TENM4: variants seen among roughly 807,000 people sequenced by gnomAD.
TENM4 encodes the protein teneurin-4.
In TENM4, 82 loss-of-function variants were observed where a neutral mutation model predicts 243.3. The ratio of observed to expected loss-of-function variants is 0.34; its 90% confidence interval spans 0.28 to 0.40. The LOEUF (loss-of-function observed/expected upper bound fraction) is 0.40. Ranked by LOEUF, TENM4 falls within the 10% of genes least tolerant of loss-of-function variation. The pLI is 1.00. For missense variants in TENM4, 3,138 were observed against 3,673.3 expected (o/e 0.85, Z 3.77); for synonymous variants, 1,412 against 1,456.3 (o/e 0.97, Z 0.69).
At chr11:79,253,344 A>G (rs1855644934) in intron 2 of TENM4, among the ~76,000 whole-genome samples, 1 of 152,204 alleles carries the variant, frequency 6.6e-6, no homozygotes, top group Non-Finnish European at 1.5e-5. Context: ...TGTCTGCTGC[A>G]CAAAGAGCTT....
intron 7 of TENM4, 105 bp from the exon 8 acceptor site, chr11:78,891,441 G>A: frequency 1.0e-6 from 1 of 990,292 alleles, no homozygotes; most frequent in Admixed American, 2.0e-5. Flanking sequence ...GTGTGCGTAA[G>A]ACCAGCGGGA....
intron 3 of TENM4, among the ~76,000 whole-genome samples, chr11:79,213,070 T>C (rs1863982932): frequency 6.6e-6 from 1 of 152,130 alleles, no homozygotes; most frequent in Non-Finnish European, 1.5e-5. Context: ...GATGAATGGA[T>C]AATGTCTGTG....
intron 32 of TENM4, among the ~76,000 whole-genome samples, chr11:78,663,506 C>T (rs1240557911): frequency 6.6e-6 from 1 of 152,128 alleles, no homozygotes; most frequent in Non-Finnish European, 1.5e-5. Flanking sequence ...CATGCAAGAG[C>T]TGGCTGTTTA....
At chr11:78,736,477 T>TGTGTGTGTGTGCGC (rs1328804792) in intron 20 of TENM4, among the ~76,000 whole-genome samples, 8 of 102,130 alleles carry the variant, frequency 7.8e-5, no homozygotes, top group African/African-American at 2.7e-4. Context: ...TGTGTGTGTG[T>TGTGTGTGTGTGCGC]GTGCGCGCGC....
intron 9 of TENM4, among the ~76,000 whole-genome samples, chr11:78,870,504 C>T (rs781150316): frequency 2.0e-5 from 3 of 152,130 alleles, no homozygotes; most frequent in South Asian, 2.1e-4. Context: ...CTGATGACTA[C>T]GTGGGGGTAA....
chr11:78,900,059 A>C (rs900121223), intron 7 of TENM4, among the ~76,000 whole-genome samples: 1 of 152,214 alleles, frequency 6.6e-6, no homozygotes, highest in East Asian at 1.9e-4. Flanking sequence ...AAATGAGTCC[A>C]GTTGCCAGCT....
intron 3 of TENM4, among the ~76,000 whole-genome samples, chr11:79,210,634 C>T (rs1393512391): frequency 6.6e-6 from 1 of 152,146 alleles, no homozygotes; most frequent in Non-Finnish European, 1.5e-5. Flanking sequence ...GCAAGGTAAC[C>T]TGGGGAGCCC....
rs563324184 is a variant in TENM4 at position 79,427,376 on chromosome 11, A to G, written c.-321+13133T>C. 9.2e-5 allele frequency among the ~76,000 whole-genome samples: 14 copies of G among 152,370 alleles called. No homozygotes were observed. In the East Asian group the frequency reaches 2.7e-3, roughly 29 times the overall value. On this transcript the variant is annotated intron_variant, in intron 1 of 33. Transcript: ENST00000278550. ...AAATGGAATACAACAATAGAAAATT[A>G]GTTAAATAAATAATGGTATATCCTT...
intron 3 of TENM4, among the ~76,000 whole-genome samples, chr11:79,198,820 G>A (rs1033197062): frequency 1.3e-5 from 2 of 152,170 alleles, no homozygotes; most frequent in East Asian, 1.9e-4. Flanking sequence ...GTTGAGCAGG[G>A]AGATGATGGC....
chr11:78,886,719 G>C (rs1018492410), intron 9 of TENM4, among the ~76,000 whole-genome samples: 3 of 152,324 alleles, frequency 2.0e-5, no homozygotes, highest in Admixed American at 6.5e-5. Context: ...AGGAAACAAA[G>C]GGAATGCCCA....
rs1262937952 is a variant in TENM4 at position 78,745,160 on chromosome 11, CATAATACACA to C, written c.2757-6600_2757-6591del. On this transcript the variant is annotated intron_variant, in intron 19 of 33. Coordinates refer to ENST00000278550, the MANE Select transcript of TENM4 (RefSeq NM_001098816.3). ...ATTATGATGTAATATACTATTACAT[CATAATACACA>C]ATAATACACAACAAACCAGTGTGGG... is the stretch of plus-strand genomic sequence containing the variant. Among the ~76,000 whole-genome samples the C allele has an allele frequency of 7.3e-5, 11 of 151,556 alleles. No individual in the cohort carries two copies. The South Asian group carries it at 2.1e-3, about 29-fold the overall frequency.
chr11:78,701,718 C>T lies in TENM4; in HGVS notation c.4895G>A (p.Arg1632His), dbSNP rs199687168. ...GAGGGGCATCCCAGTAGAGTCTCGG[C>T]GGACATTTACCATGTTGCCATTGTT... is the stretch of plus-strand genomic sequence containing the variant. ...TDNNGNMVNV[R>H]RDSTGMPLWL... Residue 1632 changes from arginine to histidine, a missense_variant, in exon 28 of 34, where the codon CGC becomes CAC. This residue lies in a region of TENM4 where 2,467 missense variants were observed against 3,059.1 expected (regional missense o/e 0.81). Coordinates refer to ENST00000278550, the MANE Select transcript of TENM4 (RefSeq NM_001098816.3). 7.3e-4 allele frequency: 1,184 copies of T among 1,613,826 alleles called. 1 individual carries two copies. The highest frequency in any genetic ancestry group is 8.2e-4 in the Non-Finnish European group (972 of 1,179,890).
At chr11:78,811,542 C>T (rs914453720) in intron 14 of TENM4, among the ~76,000 whole-genome samples, 3 of 151,474 alleles carry the variant, frequency 2.0e-5, no homozygotes, top group Non-Finnish European at 4.4e-5. Context: ...GAGGCATGCT[C>T]ATGGGCACTG....
At chr11:79,187,796 T>C (rs1233311847) in intron 3 of TENM4, among the ~76,000 whole-genome samples, 3 of 152,138 alleles carry the variant, frequency 2.0e-5, no homozygotes, top group African/African-American at 7.2e-5. Context: ...GGAAAGACCA[T>C]GTGAGGACAT....
chr11:79,428,808 T>C (rs1326547388), intron 1 of TENM4, among the ~76,000 whole-genome samples: 4 of 152,216 alleles, frequency 2.6e-5, no homozygotes, highest in Non-Finnish European at 5.9e-5. Context: ...ACTCACCTCG[T>C]ACATAAATTA....
At chr11:79,215,032 A>G (rs1713063722) in intron 3 of TENM4, among the ~76,000 whole-genome samples, 1 of 152,228 alleles carries the variant, frequency 6.6e-6, no homozygotes, top group Non-Finnish European at 1.5e-5. Flanking sequence ...TGGAAGGATA[A>G]GAAAAAGTGC....
At chr11:79,273,597 A>T (rs564549141) in intron 2 of TENM4, among the ~76,000 whole-genome samples, 3 of 152,280 alleles carry the variant, frequency 2.0e-5, no homozygotes, top group East Asian at 3.9e-4. Flanking sequence ...TTGTGTAGCT[A>T]GTTCAAAGAG....
intron 2 of TENM4, among the ~76,000 whole-genome samples, chr11:79,248,791 C>T (rs891795806): frequency 4.6e-5 from 7 of 152,072 alleles, no homozygotes; most frequent in Admixed American, 1.3e-4. Context: ...TTTCCCCTAG[C>T]AGAGACTTTG....
At chr11:78,728,845 G>A (rs568392326) in intron 22 of TENM4, among the ~76,000 whole-genome samples, 1 of 152,154 alleles carries the variant, frequency 6.6e-6, no homozygotes, top group Non-Finnish European at 1.5e-5. Context: ...GCCAAGAGAG[G>A]CTAGGACTCC....
Sources: allele counts gnomAD v4.1 joint callset (sites outside exome capture counted in the v4.1 genomes callset), GRCh38; gene constraint gnomAD v4.1.1; regional missense constraint gnomAD v4.1.1; transcripts MANE v1.5; gene names NCBI Gene and HGNC (gene_info 2026-07-23, HGNC 2026-07-21).